SYT1: variants seen among roughly 807,000 people sequenced by gnomAD.
SYT1 encodes synaptotagmin 1, also known as synaptotagmin-1.
In SYT1, 8 loss-of-function variants were observed where a neutral mutation model predicts 44.8. The ratio of observed to expected loss-of-function variants is 0.18; its 90% CI spans 0.10 to 0.32. The LOEUF (loss-of-function observed/expected upper bound fraction) is 0.32. SYT1 is among the 10% of genes least tolerant of loss of function. The pLI is 1.00. For missense variants in SYT1, 286 were observed against 509.3 expected, an observed-to-expected ratio of 0.56 and a Z score of 4.22; for synonymous variants, 154 against 188.8, an observed-to-expected ratio of 0.82 and a Z score of 1.51.
intron 8 of SYT1, among the ~76,000 whole-genome samples, chr12:79,321,493 G>A (rs529973951): frequency 6.6e-6 from 1 of 152,266 alleles, no homozygotes; most frequent in Non-Finnish European, 1.5e-5. Context: ...ATTTAAATTA[G>A]CATACAGGCA....
chr12:79,290,038 C>T (rs971618810), intron 5 of SYT1, among the ~76,000 whole-genome samples: 2 of 152,036 alleles, frequency 1.3e-5, no homozygotes. Context: ...TTTTAACATT[C>T]AAAGAAACAA....
chr12:79,141,308 G>T (rs1869542595), intron 3 of SYT1, among the ~76,000 whole-genome samples: 1 of 151,886 alleles, frequency 6.6e-6, no homozygotes, highest in South Asian at 2.1e-4. Flanking sequence ...AATATACTGT[G>T]ACACTCTATG....
At chr12:79,032,823 G>T (rs190842492) in intron 2 of SYT1, among the ~76,000 whole-genome samples, 32 of 151,284 alleles carry the variant, frequency 2.1e-4, no homozygotes, top group Non-Finnish European at 1.2e-4. Flanking sequence ...TAACAAGAGA[G>T]AAAATCACAA....
chr12:78,939,161 A>G (rs1878221694), intron 1 of SYT1, among the ~76,000 whole-genome samples: 1 of 152,194 alleles, frequency 6.6e-6, no homozygotes, highest in Admixed American at 6.5e-5. Flanking sequence ...CCTAGCTCAT[A>G]AAATGAACTG....
intron 1 of SYT1, among the ~76,000 whole-genome samples, chr12:78,898,100 C>A (rs1875461584): frequency 6.6e-6 from 1 of 152,048 alleles, no homozygotes. Context: ...AATGCATTTT[C>A]TGAATTCAGA....
At chr12:79,415,858 G>T (rs546182449) in intron 9 of SYT1, among the ~76,000 whole-genome samples, 1 of 152,296 alleles carries the variant, frequency 6.6e-6, no homozygotes, top group South Asian at 2.1e-4. Flanking sequence ...TAGAAAGAAA[G>T]TGCTGAGTAA....
intron 4 of SYT1, among the ~76,000 whole-genome samples, chr12:79,237,438 A>G (rs1876256372): frequency 6.6e-6 from 1 of 152,224 alleles, no homozygotes; most frequent in African/African-American, 2.4e-5. Flanking sequence ...TGGAAGAGTA[A>G]AGAAGTTGAT....
At chr12:79,170,826 G>C (rs1446970557) in intron 3 of SYT1, among the ~76,000 whole-genome samples, 1 of 152,010 alleles carries the variant, frequency 6.6e-6, no homozygotes, top group Non-Finnish European at 1.5e-5. Flanking sequence ...AGTTTTTATA[G>C]TTTGAGGTTT....
chr12:79,075,989 G>A (rs1031282502), intron 3 of SYT1, among the ~76,000 whole-genome samples: 1 of 152,056 alleles, frequency 6.6e-6, no homozygotes, highest in Non-Finnish European at 1.5e-5. Context: ...TCATTAACAA[G>A]AGAAAAGCAC....
intron 3 of SYT1, among the ~76,000 whole-genome samples, chr12:79,090,598 C>A (rs1877708229): frequency 1.3e-5 from 2 of 151,926 alleles, no homozygotes; most frequent in South Asian, 4.1e-4. Flanking sequence ...CTTACCCCTT[C>A]TGAAGGTTAG....
At chr12:79,367,277 T>C (rs1883587576) in intron 9 of SYT1, among the ~76,000 whole-genome samples, 1 of 152,120 alleles carries the variant, frequency 6.6e-6, no homozygotes, top group Non-Finnish European at 1.5e-5. Flanking sequence ...TAATGCCTGG[T>C]TGCTGGACAA....
chr12:79,015,825 T>A (rs2137596394), intron 2 of SYT1, among the ~76,000 whole-genome samples: 1 of 152,270 alleles, frequency 6.6e-6, no homozygotes, highest in African/African-American at 2.4e-5. Context: ...CTGCTAGTGT[T>A]TATTTTTGCC....
chr12:79,288,369 T>C (rs1013500614), intron 5 of SYT1, among the ~76,000 whole-genome samples: 2 of 152,098 alleles, frequency 1.3e-5, no homozygotes, highest in African/African-American at 2.4e-5. Flanking sequence ...GCCCTTCTCG[T>C]TTAAAAACAA....
At position 79,072,518 on chromosome 12, in the gene SYT1, G is replaced by A. The variant is rs1016196711; in HGVS notation, c.-18+25156G>A. The stretch of plus-strand genomic sequence containing the variant: ...TATATACATATCCAACCTGAAAATT[G>A]TTTAATATTTGAGTTTTTTATAGTG... On this transcript the variant is annotated intron_variant, in intron 3 of 10. Coordinates refer to ENST00000261205, the MANE Select transcript of SYT1 (RefSeq NM_005639.3). Among the ~76,000 whole-genome samples the A allele has an allele frequency of 2.0e-5, 3 of 151,978 alleles. No homozygotes were observed. The East Asian group carries it at 5.8e-4, about 29-fold the overall frequency.
chr12:78,982,907 A>T (rs1869371890), intron 2 of SYT1, among the ~76,000 whole-genome samples: 1 of 152,134 alleles, frequency 6.6e-6, no homozygotes, highest in Non-Finnish European at 1.5e-5. Flanking sequence ...TTTTTATTAA[A>T]CATCTACAAT....
At chr12:79,178,260 C>A (rs1872022245) in intron 3 of SYT1, among the ~76,000 whole-genome samples, 1 of 151,744 alleles carries the variant, frequency 6.6e-6, no homozygotes, top group African/African-American at 2.4e-5. Context: ...TTTTTTTATT[C>A]TGTGAAGACT....
intron 3 of SYT1, among the ~76,000 whole-genome samples, chr12:79,124,340 TACC>T (rs34122525): frequency 0.11 from 17,213 of 152,082 alleles, 1,027 homozygotes; most frequent in African/African-American, 0.13. Flanking sequence ...TTGGAGACAA[TACC>T]ACCAAAGCTC....
At chr12:79,022,564 C>A (rs186523648) in intron 2 of SYT1, among the ~76,000 whole-genome samples, 7 of 151,604 alleles carry the variant, frequency 4.6e-5, no homozygotes, top group Admixed American at 1.3e-4. Flanking sequence ...TTTGCAGATA[C>A]AAAAAATAAT....
chr12:79,325,155 G>A (rs933795941), intron 8 of SYT1, among the ~76,000 whole-genome samples: 3 of 152,158 alleles, frequency 2.0e-5, no homozygotes, highest in Admixed American at 1.3e-4. Flanking sequence ...AAAGCATGGG[G>A]GTTGCAGGGG....
Sources: allele counts gnomAD v4.1 joint callset (sites outside exome capture counted in the v4.1 genomes callset), GRCh38; gene constraint gnomAD v4.1.1; transcripts MANE v1.5; gene names NCBI Gene and HGNC (gene_info 2026-07-23, HGNC 2026-07-21).